SLC37A3: variants seen among roughly 807,000 people sequenced by gnomAD.
SLC37A3 encodes the protein sugar phosphate exchanger 3.
In SLC37A3, 51 loss-of-function variants were observed where a neutral mutation model predicts 67.1. The ratio of observed to expected loss-of-function variants is 0.76; its 90% CI spans 0.61 to 0.96. The LOEUF is 0.96. Among genes scored for constraint, SLC37A3 ranks in the 40% least tolerant of loss-of-function variants. SLC37A3 has a pLI of 0.00. For missense variants in SLC37A3, 508 were observed against 603.0 expected (o/e 0.84, Z 1.65); for synonymous variants, 214 against 231.4 (o/e 0.92, Z 0.68).
At chr7:140,337,442 A>T in intron 13 of SLC37A3, 93 bp from the exon 14 acceptor site, 1 of 1,022,038 alleles carries the variant, frequency 9.8e-7, no homozygotes, top group Non-Finnish European at 1.4e-6. Flanking sequence ...TATTTTAGAA[A>T]ATAAGAAGGG....
chr7:140,353,376 G>A (rs28675269), intron 7 of SLC37A3, among the ~76,000 whole-genome samples: 6,330 of 151,732 alleles, frequency 0.042, 416 homozygotes, highest in African/African-American at 0.14. Context: ...CCAGCTACTC[G>A]GGAGGCTGAG....
chr7:140,376,940 ATTTTTT>A (rs34892110), intron 3 of SLC37A3, among the ~76,000 whole-genome samples: 3 of 110,494 alleles, frequency 2.7e-5, no homozygotes, highest in East Asian at 2.8e-4. Flanking sequence ...CACCCAGCTA[ATTTTTT>A]TTTTTTTTTT....
intron 3 of SLC37A3, among the ~76,000 whole-genome samples, chr7:140,376,961 T>C (rs1305922756): frequency 9.9e-6 from 1 of 101,390 alleles, no homozygotes; most frequent in African/African-American, 3.3e-5. Flanking sequence ...TTTTTTTTTT[T>C]GAGACAGAGT....
At chr7:140,351,200 T>C in intron 9 of SLC37A3, 73 bp downstream of exon 9, 1 of 1,447,276 alleles carries the variant, frequency 6.9e-7, no homozygotes, top group Non-Finnish European at 9.4e-7. Context: ...TTAAGGAAGC[T>C]TTATCTCAGG....
At chr7:140,387,762 TTA>T (rs1438788498) in intron 1 of SLC37A3, among the ~76,000 whole-genome samples, 11 of 68,860 alleles carry the variant, frequency 1.6e-4, no homozygotes, top group South Asian at 3.9e-4. Flanking sequence ...TATAAATATA[TTA>T]TATATATTAT....
intron 10 of SLC37A3, 77 bp downstream of exon 10, chr7:140,348,549 A>C (rs1796667287): frequency 1.4e-6 from 2 of 1,476,202 alleles, no homozygotes; most frequent in East Asian, 5.0e-5. Context: ...ACTTTAAATG[A>C]GGCCAGATTT....
chr7:140,381,694 C>T (rs1281064108), intron 2 of SLC37A3, among the ~76,000 whole-genome samples: 3 of 152,188 alleles, frequency 2.0e-5, no homozygotes, highest in South Asian at 4.2e-4. Context: ...CACTTAAGAT[C>T]ACCTTTGTTC....
chr7:140,349,666 C>G (rs942802924), intron 9 of SLC37A3, among the ~76,000 whole-genome samples: 4 of 152,188 alleles, frequency 2.6e-5, no homozygotes, highest in Admixed American at 6.5e-5. Context: ...ACAGCCACCC[C>G]CTAGAGAGCC....
chr7:140,396,134 C>T (rs1027348858), intron 1 of SLC37A3, among the ~76,000 whole-genome samples: 3 of 152,002 alleles, frequency 2.0e-5, no homozygotes, highest in African/African-American at 7.2e-5. Context: ...ATCCTCCTGC[C>T]TCAGCCTCCA....
intron 9 of SLC37A3, among the ~76,000 whole-genome samples, chr7:140,349,540 G>A (rs565722012): frequency 9.1e-6 from 1 of 109,408 alleles, no homozygotes. Context: ...AAGGAAAAAG[G>A]GGGGGGGGAC....
chr7:140,343,764 A>G, intron 12 of SLC37A3: 1 of 552,414 alleles, frequency 1.8e-6, no homozygotes, highest in Non-Finnish European at 3.2e-6. Flanking sequence ...ATTATGTGAC[A>G]CTCTAGTATA....
intron 13 of SLC37A3, among the ~76,000 whole-genome samples, chr7:140,339,679 C>G (rs1796280215): frequency 6.6e-6 from 1 of 151,866 alleles, no homozygotes; most frequent in Admixed American, 6.6e-5. Context: ...TTTTGCATTC[C>G]CACCAGCAAT....
rs556198077 is a variant in SLC37A3, at chr7:140,347,799, G to T, written c.1024+827C>A. ...CACTATTAAAATCTTTGTTTATAAT[G>T]AAACAACTGTAAAACATTCACAAAA... On this transcript the variant is annotated intron_variant, in intron 10 of 14. Coordinates refer to ENST00000326232, the MANE Select transcript of SLC37A3 (RefSeq NM_207113.3). Among the ~76,000 whole-genome samples the T allele has an allele frequency of 4.2e-4, 63 of 148,392 alleles. No individual in the cohort carries two copies. The South Asian group carries it at 5.9e-3, about 14-fold the overall frequency.
intron 13 of SLC37A3, chr7:140,337,596 A>T (rs1180980835): frequency 1.6e-5 from 5 of 311,396 alleles, no homozygotes; most frequent in African/African-American, 2.2e-5. Flanking sequence ...ATTTTTATTC[A>T]CTTTGCTATT....
chr7:140,353,139 G>T (rs1273458420), intron 7 of SLC37A3, among the ~76,000 whole-genome samples: 1 of 152,008 alleles, frequency 6.6e-6, no homozygotes, highest in Non-Finnish European at 1.5e-5. Context: ...TAATAATTTA[G>T]GTTTTTGAGT....
At chr7:140,341,875 G>A (rs1219088606) in intron 13 of SLC37A3, among the ~76,000 whole-genome samples, 2 of 152,244 alleles carry the variant, frequency 1.3e-5, no homozygotes, top group Non-Finnish European at 2.9e-5. Flanking sequence ...CCCCATAGGT[G>A]AAGACGTCTG....
chr7:140,342,750 T>C (rs1796407182), intron 13 of SLC37A3, among the ~76,000 whole-genome samples: 1 of 151,274 alleles, frequency 6.6e-6, no homozygotes, highest in African/African-American at 2.5e-5. Context: ...CTCAAACATC[T>C]GAGTGTGGAA....
chr7:140,355,658 C>G lies in SLC37A3; in HGVS notation c.618+10G>C. 1 of 1,610,056 alleles carries G rather than the reference C, an allele frequency of 6.2e-7. No homozygotes were observed. The highest frequency in any genetic ancestry group is 1.1e-5 in the South Asian group (1 of 90,984). On this transcript the variant is annotated intron_variant, in intron 7 of 14. Coordinates refer to ENST00000326232, the MANE Select transcript of SLC37A3 (RefSeq NM_207113.3). ...GAGAGAGAGCACCAGAGCTAGAAAA[C>G]AATACCTACCTCATAACCATACTGA...
chr7:140,334,752 A>G lies in SLC37A3; in HGVS notation c.*660T>C, dbSNP rs1453036416. The G allele has an allele frequency of 6.3e-6, 1 of 159,626 alleles. No homozygotes were observed. The highest frequency in any genetic ancestry group is 2.4e-5 in the African/African-American group (1 of 41,514). 9.9% of individuals were successfully genotyped at this position (159,626 alleles called of 1,614,324 possible). A position where few individuals can be genotyped will look rare whatever the true frequency, so the allele number is the denominator to read the frequency against. On this transcript the variant is annotated 3_prime_UTR_variant, in exon 15 of 15. Transcript: ENST00000326232. The stretch of plus-strand genomic sequence containing the variant: ...ATTTGAATGAAAATGGAAGAGAACA[A>G]GTTGACAATAATTTGAAGCAATTCA...
Sources: allele counts gnomAD v4.1 joint callset (sites outside exome capture counted in the v4.1 genomes callset), GRCh38; gene constraint gnomAD v4.1.1; transcripts MANE v1.5; gene names NCBI Gene and HGNC (gene_info 2026-07-23, HGNC 2026-07-21).